The following RPS6KA2 variants were observed in gnomAD, a reference collection of about 807,000 sequenced individuals.
The protein encoded by RPS6KA2 is ribosomal protein S6 kinase A2.
RPS6KA2 carries 42 observed loss-of-function variants against 91.8 expected under a neutral mutation model. The ratio of observed to expected loss-of-function variants is 0.46; its 90% confidence interval spans 0.36 to 0.59. RPS6KA2 has a LOEUF of 0.59. Ranked by LOEUF, RPS6KA2 falls within the 20% of genes least tolerant of loss-of-function variation. The probability of loss-of-function intolerance (pLI) is 0.00; values close to 1 mark genes in which losing one functional copy is unlikely to be tolerated. For synonymous variants in RPS6KA2, 414 were observed against 393.6 expected (o/e 1.05, Z -0.61); for missense variants, 798 against 978.5 (o/e 0.82, Z 2.46).
At position 166,845,003 on chromosome 6, in the gene RPS6KA2, A is replaced by G. The variant is rs1425374565; in HGVS notation, c.123+13197T>C. On this transcript the variant is annotated intron_variant, in intron 2 of 21. Transcript: ENST00000503859. ...AGATACAGAGTAGCATAAACTTAAGATAAAGAGGTGGAAAAGATATTCCAT... is the reference window on the plus strand; with the variant it reads ...AGATACAGAGTAGCATAAACTTAAGGTAAAGAGGTGGAAAAGATATTCCAT... Among the ~76,000 whole-genome samples the G allele has an allele frequency of 3.3e-5, 5 of 152,084 alleles. No homozygotes were observed. The East Asian group carries it at 9.6e-4, about 29-fold the overall frequency.
intron 16 of RPS6KA2, among the ~76,000 whole-genome samples, chr6:166,429,554 G>A (rs997217063): frequency 2.6e-5 from 4 of 152,078 alleles, no homozygotes; most frequent in Admixed American, 1.3e-4. Flanking sequence ...AGGTTGAAGC[G>A]ATTCTCATGC....
intron 1 of RPS6KA2, among the ~76,000 whole-genome samples, chr6:166,621,916 A>G (rs1300146864): frequency 6.6e-6 from 1 of 152,148 alleles, no homozygotes. Flanking sequence ...TGCCTCAGAG[A>G]GTTCATACTT....
At chr6:166,746,013 C>A in intron 2 of RPS6KA2, among the ~76,000 whole-genome samples, 1 of 152,220 alleles carries the variant, frequency 6.6e-6, no homozygotes, top group East Asian at 1.9e-4. Flanking sequence ...AGCGGTGCTG[C>A]TGTGAGTCTC....
intron 2 of RPS6KA2, among the ~76,000 whole-genome samples, chr6:166,667,701 C>T (rs73041761): frequency 0.11 from 16,213 of 152,200 alleles, 960 homozygotes; most frequent in African/African-American, 0.14. Flanking sequence ...AATCACGAGC[C>T]AAAGAAGGTA....
intron 1 of RPS6KA2, among the ~76,000 whole-genome samples, chr6:166,545,157 C>G (rs1207931823): frequency 2.0e-5 from 3 of 152,192 alleles, no homozygotes; most frequent in Non-Finnish European, 4.4e-5. Flanking sequence ...GAGACAAGGT[C>G]TCCATTTCAA....
intron 2 of RPS6KA2, among the ~76,000 whole-genome samples, chr6:166,830,187 G>T (rs1051712063): frequency 2.6e-5 from 4 of 151,150 alleles, no homozygotes; most frequent in African/African-American, 9.7e-5. Flanking sequence ...TTTCACACAT[G>T]CTACAACATG....
At chr6:166,703,262 A>G (rs1789581534) in intron 2 of RPS6KA2, among the ~76,000 whole-genome samples, 1 of 152,216 alleles carries the variant, frequency 6.6e-6, no homozygotes, top group African/African-American at 2.4e-5. Context: ...CTTCCCAATT[A>G]TGTTACTATG....
intron 2 of RPS6KA2, among the ~76,000 whole-genome samples, chr6:166,731,805 A>C (rs1016331993): frequency 2.0e-5 from 3 of 151,946 alleles, no homozygotes; most frequent in Non-Finnish European, 4.4e-5. Context: ...ACCTAGATAG[A>C]AGTGGTGGGT....
chr6:166,637,153 TA>T (rs1296814538), intron 2 of RPS6KA2, among the ~76,000 whole-genome samples: 1 of 152,140 alleles, frequency 6.6e-6, no homozygotes, highest in Non-Finnish European at 1.5e-5. Context: ...CCAGGTGGCT[TA>T]GGTCTGGCTT....
intron 2 of RPS6KA2, among the ~76,000 whole-genome samples, 187 bp from the exon 3 acceptor site, chr6:166,531,500 C>T (rs563735108): frequency 3.9e-5 from 6 of 152,314 alleles, no homozygotes; most frequent in African/African-American, 1.2e-4. Flanking sequence ...TATAGCTCTG[C>T]GGCGAACATC....
chr6:166,815,795 G>C (rs772611284), intron 2 of RPS6KA2, among the ~76,000 whole-genome samples: 1 of 152,178 alleles, frequency 6.6e-6, no homozygotes, highest in Non-Finnish European at 1.5e-5. Flanking sequence ...AAAGTTTTGA[G>C]CCCTGGAGAG....
intron 1 of RPS6KA2, among the ~76,000 whole-genome samples, chr6:166,589,678 G>A (rs921243325): frequency 6.6e-6 from 1 of 152,126 alleles, no homozygotes; most frequent in African/African-American, 2.4e-5. Flanking sequence ...AGAGACTGTT[G>A]GTAGAAATGG....
rs562134555 is a variant in RPS6KA2, at chr6:166,587,120, C to G, written c.99+39801G>C. Reference sequence around the variant, plus strand: ...ATGTGGAAGCAAAGTGGCCAGTCATCAGGAACCCTGACATTAGACTAACAC... The same window carrying G: ...ATGTGGAAGCAAAGTGGCCAGTCATGAGGAACCCTGACATTAGACTAACAC... On this transcript the variant is annotated intron_variant, in intron 1 of 20. Transcript: ENST00000265678. Among the ~76,000 whole-genome samples the G allele has an allele frequency of 9.8e-5, 15 of 152,342 alleles. No individual in the cohort carries two copies. In the South Asian group the frequency reaches 3.1e-3, roughly 32 times the overall value.
intron 2 of RPS6KA2, among the ~76,000 whole-genome samples, chr6:166,536,830 A>C (rs1031140925): frequency 2.6e-5 from 4 of 152,208 alleles, no homozygotes; most frequent in African/African-American, 9.6e-5. Flanking sequence ...TATAATAAAG[A>C]CACAAGTAAA....
chr6:166,632,936 C>T (rs145718277), intron 2 of RPS6KA2, among the ~76,000 whole-genome samples: 61 of 152,184 alleles, frequency 4.0e-4, no homozygotes, highest in Middle Eastern at 3.4e-3. Flanking sequence ...ACCTCGGGGC[C>T]GGGCGCAGGG....
At chr6:166,701,916 C>G in intron 2 of RPS6KA2, 2 of 1,125,536 alleles carry the variant, frequency 1.8e-6, no homozygotes, top group Non-Finnish European at 2.7e-6. Context: ...GTGTCTGTGT[C>G]TTGCTCAATT....
intron 2 of RPS6KA2, among the ~76,000 whole-genome samples, chr6:166,710,276 C>G (rs896272571): frequency 2.2e-4 from 33 of 152,226 alleles, no homozygotes; most frequent in Admixed American, 1.5e-3. Flanking sequence ...GTCATAATCT[C>G]TACAGCATGC....
At chr6:166,472,441 C>T (rs1236428595) in intron 10 of RPS6KA2, among the ~76,000 whole-genome samples, 1 of 152,158 alleles carries the variant, frequency 6.6e-6, no homozygotes, top group Non-Finnish European at 1.5e-5. Context: ...ACCTCCTTTC[C>T]CCTAAGGTAG....
intron 1 of RPS6KA2, among the ~76,000 whole-genome samples, chr6:166,621,092 C>T (rs1786610213): frequency 6.6e-6 from 1 of 152,204 alleles, no homozygotes; most frequent in African/African-American, 2.4e-5. Context: ...AGGGAGCATT[C>T]GCCGAATGGA....
Sources: allele counts gnomAD v4.1 joint callset (sites outside exome capture counted in the v4.1 genomes callset), GRCh38; gene constraint gnomAD v4.1.1; transcripts MANE v1.5; gene names NCBI Gene and HGNC (gene_info 2026-07-23, HGNC 2026-07-21).